The following DKK2 variants were observed in gnomAD, a reference collection of about 807,000 sequenced individuals.
DKK2 encodes the protein dickkopf Wnt signaling pathway inhibitor 2.
DKK2 carries 11 observed loss-of-function variants against 28.1 expected under a neutral mutation model. The ratio of observed to expected loss-of-function variants is 0.39; its 90% confidence interval spans 0.25 to 0.65. The LOEUF is 0.65. DKK2 is among the 30% of genes least tolerant of loss of function. The probability of loss-of-function intolerance (pLI) is 0.47; values close to 1 mark genes in which losing one functional copy is unlikely to be tolerated. For synonymous variants in DKK2, 135 were observed against 126.5 expected, an observed-to-expected ratio of 1.07 and a Z score of -0.45; for missense variants, 326 against 335.5, an observed-to-expected ratio of 0.97 and a Z score of 0.22.
chr4:107,028,042 G>A (rs1723817063), intron 1 of DKK2, among the ~76,000 whole-genome samples: 1 of 152,096 alleles, frequency 6.6e-6, no homozygotes, highest in South Asian at 2.1e-4. Flanking sequence ...GTGAGCCACC[G>A]CGCCCTGCCA....
At chr4:107,011,018 T>A (rs183418380) in intron 1 of DKK2, among the ~76,000 whole-genome samples, 229 of 151,674 alleles carry the variant, frequency 1.5e-3, no homozygotes, top group Non-Finnish European at 2.0e-3. Context: ...TATCTGCTTC[T>A]GCATCCAGTC....
intron 1 of DKK2, among the ~76,000 whole-genome samples, chr4:107,009,505 A>G (rs141106801): frequency 1.6e-3 from 245 of 152,010 alleles, no homozygotes; most frequent in African/African-American, 5.5e-3. Flanking sequence ...AAAGAGCTAG[A>G]TATCTGCAGC....
At chr4:106,930,092 C>T (rs1347993403) in intron 1 of DKK2, among the ~76,000 whole-genome samples, 1 of 152,168 alleles carries the variant, frequency 6.6e-6, no homozygotes, top group East Asian at 1.9e-4. Flanking sequence ...AAAGAGAATA[C>T]TGGCAGAAAA....
rs1030174384 is a variant in DKK2 at position 106,922,761 on chromosome 4, A to G, written c.*1193T>C. 4 of 152,186 alleles carry G rather than the reference A, an allele frequency of 2.6e-5. No individual in the cohort carries two copies. The highest frequency in any genetic ancestry group is 4.4e-5 in the Non-Finnish European group (3 of 68,030). The allele number at this position is 152,186 out of a possible 1,614,324, so 9.4% of individuals were successfully genotyped here. The stretch of plus-strand genomic sequence containing the variant: ...CACACTGAATTCATCTGCATAGTAA[A>G]TATTATGATAGCAAATCCCATGCAG... On this transcript the variant is annotated 3_prime_UTR_variant, in exon 4 of 4. Transcript: ENST00000285311.
At chr4:107,009,457 G>T (rs2110368321) in intron 1 of DKK2, among the ~76,000 whole-genome samples, 1 of 151,962 alleles carries the variant, frequency 6.6e-6, no homozygotes, top group Non-Finnish European at 1.5e-5. Flanking sequence ...CTGTATTTAT[G>T]AAATATTACT....
intron 1 of DKK2, among the ~76,000 whole-genome samples, chr4:107,028,780 T>A (rs929029950): frequency 6.6e-6 from 1 of 152,194 alleles, no homozygotes; most frequent in African/African-American, 2.4e-5. Context: ...CTGATCAGGA[T>A]GTAAGACATG....
intron 1 of DKK2, among the ~76,000 whole-genome samples, chr4:107,008,682 C>G (rs894737117): frequency 2.6e-5 from 4 of 151,978 alleles, no homozygotes; most frequent in Admixed American, 6.6e-5. Flanking sequence ...GGCCAAGGCT[C>G]TTTCAATATT....
rs1578368112 is a variant in DKK2 at position 106,984,593 on chromosome 4, G to T, written c.222+50777C>A. Among the ~76,000 whole-genome samples, 11 of 152,022 alleles carry T rather than the reference G, an allele frequency of 7.2e-5. No individual in the cohort carries two copies. The South Asian group carries it at 2.3e-3, about 32-fold the overall frequency. On this transcript the variant is annotated intron_variant, in intron 1 of 3. Transcript: ENST00000285311. ...TGTTTAGCAGAATTTCATTTTTAAG[G>T]CCAAATAATCTCATATTGTATGTAT...
rs904267956 is a variant in DKK2, at chr4:106,972,535, C to A, written c.223-46586G>T. On this transcript the variant is annotated intron_variant, in intron 1 of 3. Transcript: ENST00000285311. ...AGAGCTTGTTTTATTGTTATAAAGCCAATAAAAGTAAGTTGTCACTTTTTC... is the reference window on the plus strand; with the variant it reads ...AGAGCTTGTTTTATTGTTATAAAGCAAATAAAAGTAAGTTGTCACTTTTTC... Among the ~76,000 whole-genome samples, 3 of 151,762 alleles carry A rather than the reference C, an allele frequency of 2.0e-5. No homozygotes were observed. The East Asian group carries it at 5.8e-4, about 30-fold the overall frequency.
At chr4:106,995,041 C>A (rs1267616728) in intron 1 of DKK2, among the ~76,000 whole-genome samples, 2 of 152,156 alleles carry the variant, frequency 1.3e-5, no homozygotes, top group African/African-American at 4.8e-5. Context: ...ACAGTATTAA[C>A]CACATATAAA....
At position 107,025,731 on chromosome 4, in the gene DKK2, A is replaced by G. The variant is rs186599285; in HGVS notation, c.222+9639T>C. 3.9e-4 allele frequency among the ~76,000 whole-genome samples: 60 copies of G among 152,286 alleles called. No homozygotes were observed. In the East Asian group the frequency reaches 8.7e-3, roughly 22 times the overall value. On this transcript the variant is annotated intron_variant, in intron 1 of 3. Transcript: ENST00000285311. ...GAGCAACAACAATACAGTCGAAGCC[A>G]CTTCCTTTCATTAATTTTGTTTAAA...
intron 1 of DKK2, among the ~76,000 whole-genome samples, chr4:107,016,026 C>G (rs934674836): frequency 1.3e-5 from 2 of 151,702 alleles, no homozygotes; most frequent in African/African-American, 4.8e-5. Flanking sequence ...ATTGTCATAA[C>G]GCCTCTTGTG....
intron 1 of DKK2, among the ~76,000 whole-genome samples, chr4:107,008,506 T>C (rs1723469554): frequency 6.6e-6 from 1 of 152,010 alleles, no homozygotes; most frequent in Non-Finnish European, 1.5e-5. Flanking sequence ...GATATCCAAG[T>C]AGAATTTTTA....
intron 1 of DKK2, among the ~76,000 whole-genome samples, chr4:106,978,192 A>G (rs2110356878): frequency 6.6e-6 from 1 of 152,270 alleles, no homozygotes; most frequent in East Asian, 1.9e-4. Flanking sequence ...GCTGGGAGGT[A>G]TCTCCCCATC....
chr4:106,973,577 G>C (rs1287103411), intron 1 of DKK2, among the ~76,000 whole-genome samples: 3 of 152,038 alleles, frequency 2.0e-5, no homozygotes, highest in Non-Finnish European at 2.9e-5. Flanking sequence ...CTTTTTGATG[G>C]GGTTTTTGTT....
chr4:106,941,120 T>C (rs1047475366), intron 1 of DKK2, among the ~76,000 whole-genome samples: 8 of 151,298 alleles, frequency 5.3e-5, no homozygotes, highest in Non-Finnish European at 8.9e-5. Context: ...AAAAATAAAA[T>C]AACAAAATAA....
At chr4:106,996,829 T>A (rs146565692) in intron 1 of DKK2, among the ~76,000 whole-genome samples, 1 of 152,306 alleles carries the variant, frequency 6.6e-6, no homozygotes, top group African/African-American at 2.4e-5. Context: ...AATTTTAGTT[T>A]GACTGAAAAC....
chr4:107,001,538 T>A (rs890425402), intron 1 of DKK2, among the ~76,000 whole-genome samples: 2 of 151,840 alleles, frequency 1.3e-5, no homozygotes, highest in Admixed American at 6.6e-5. Flanking sequence ...AACTAGAATT[T>A]AAAAAAAACG....
At chr4:106,999,694 A>G (rs990028616) in intron 1 of DKK2, among the ~76,000 whole-genome samples, 1 of 152,194 alleles carries the variant, frequency 6.6e-6, no homozygotes, top group African/African-American at 2.4e-5. Context: ...CCATGCCTCC[A>G]GCATCAATTC....
Sources: gnomAD v4.1 joint callset for allele counts (sites outside exome capture counted in the v4.1 genomes callset) on GRCh38, gnomAD v4.1.1 for gene constraint, MANE v1.5 for transcripts, NCBI Gene and HGNC (gene_info 2026-07-23, HGNC 2026-07-21) for gene names.